Variants in FYB2 observed in about 807,000 individuals in gnomAD.
FYB2 encodes the protein FYN binding protein 2.
FYB2 carries 103 observed loss-of-function variants against 94.1 expected under a neutral mutation model. The observed-to-expected ratio is 1.09, with a 90% CI of 0.93 to 1.29. The LOEUF (loss-of-function observed/expected upper bound fraction) is 1.29, where lower values mean the gene tolerates loss of function less well. Ranked by LOEUF, FYB2 falls within the 50% of genes most tolerant of loss-of-function variation. The pLI is 0.00. For missense variants in FYB2, 896 were observed against 841.5 expected (o/e 1.06, Z -0.80); for synonymous variants, 293 against 287.9 (o/e 1.02, Z -0.18).
At chr1:56,778,239 CA>C (rs1645928706) in intron 4 of FYB2, among the ~76,000 whole-genome samples, 1 of 152,180 alleles carries the variant, frequency 6.6e-6, no homozygotes, top group South Asian at 2.1e-4. Flanking sequence ...CCAACTTTCC[CA>C]AACAGCCCTC....
intron 12 of FYB2, 121 bp downstream of exon 12, chr1:56,742,040 G>A: frequency 2.8e-6 from 2 of 712,806 alleles, no homozygotes; most frequent in South Asian, 1.7e-5. Flanking sequence ...AAAAGATGAT[G>A]ATGGGAGTCG....
chr1:56,736,490 ATCCCGGCTCACTACAACCTCT>A (rs1644834864), intron 15 of FYB2, among the ~76,000 whole-genome samples: 15 of 132,428 alleles, frequency 1.1e-4, no homozygotes, highest in Non-Finnish European at 2.0e-4. Context: ...TAGTGGTGTG[ATCCCGGCTCACTACAACCTCT>A]GCCTCAAAGG....
At chr1:56,802,644 G>C (rs980869489) in intron 1 of FYB2, among the ~76,000 whole-genome samples, 2 of 152,180 alleles carry the variant, frequency 1.3e-5, no homozygotes, top group African/African-American at 4.8e-5. Flanking sequence ...ATTCTTCCCA[G>C]GAGCCTTCAA....
At position 56,800,714 on chromosome 1, in the gene FYB2, T is replaced by C. The variant is rs544907282; in HGVS notation, c.10-7911A>G. Among the ~76,000 whole-genome samples, 5 of 152,242 alleles carry C rather than the reference T, an allele frequency of 3.3e-5. No individual in the cohort carries two copies. In the South Asian group the frequency reaches 1.0e-3, roughly 32 times the overall value. On this transcript the variant is annotated intron_variant, in intron 1 of 19. Transcript: ENST00000343433. ...ACAAAGTCCCTAAGTGCCCAGCCCC[T>C]GGCCAGTGCTCTTGGTGAGACTGCG...
Position 56,756,205 on chromosome 1 carries a change from A to C in FYB2, c.1099-278T>G, listed in dbSNP as rs2298127. On this transcript the variant is annotated intron_variant, in intron 6 of 19. Coordinates refer to ENST00000343433, the MANE Select transcript of FYB2 (RefSeq NM_001004303.5). ...TTGTTGTATGCACACCTTTCCCAAA[A>C]TGCATCGGAAACGTAAATAACTTCT... Among the ~76,000 whole-genome samples, 30,811 of 152,102 alleles carry C rather than the reference A, an allele frequency of 0.2. 3,606 individuals carry two copies. The highest frequency in any genetic ancestry group is 0.42 in the East Asian group (2,169 of 5,132).
upstream of FYB2, chr1:56,819,459 C>T (rs772786589): frequency 2.7e-5 from 26 of 967,392 alleles, no homozygotes; most frequent in Non-Finnish European, 3.7e-5. Context: ...GAGGCTCCTC[C>T]CTTGCCTGGG....
upstream of FYB2, chr1:56,819,794 G>C (rs757826157): frequency 4.9e-4 from 82 of 167,564 alleles, 1 homozygote; most frequent in Non-Finnish European, 7.4e-4. Context: ...CCTTTCTCAC[G>C]GTCAGGGAAA....
chr1:56,723,704 GGTAAAAC>G, intron 16 of FYB2, 23 bp from the exon 17 acceptor site: 4 of 1,359,592 alleles, frequency 2.9e-6, no homozygotes, highest in Non-Finnish European at 3.1e-6. Context: ...GTGCAGGTAG[GGTAAAAC>G]GTACTATAAT....
At chr1:56,726,696 A>T (rs559374317) in intron 15 of FYB2, 113 bp from the exon 16 acceptor site, 1 of 849,820 alleles carries the variant, frequency 1.2e-6, no homozygotes, top group Admixed American at 2.9e-5. Flanking sequence ...GTCATCTAGA[A>T]ATATATTTTG....
At chr1:56,778,120 G>T (rs763152710) in intron 4 of FYB2, among the ~76,000 whole-genome samples, 1 of 151,940 alleles carries the variant, frequency 6.6e-6, no homozygotes, top group African/African-American at 2.4e-5. Context: ...CTACTACCTC[G>T]AAGACTTGGC....
At chr1:56,734,945 A>G (rs889519091) in intron 15 of FYB2, among the ~76,000 whole-genome samples, 2 of 152,084 alleles carry the variant, frequency 1.3e-5, no homozygotes, top group East Asian at 1.9e-4. Flanking sequence ...ATTCATCAAA[A>G]GGACAAAAAA....
At chr1:56,821,451 C>G (rs1339334483), upstream of FYB2, among the ~76,000 whole-genome samples, 1 of 152,158 alleles carries the variant, frequency 6.6e-6, no homozygotes, top group Non-Finnish European at 1.5e-5. Flanking sequence ...GTATGTCTTA[C>G]GATCCTCTAG....
chr1:56,787,261 A>C, intron 3 of FYB2, 53 bp from the exon 4 acceptor site: 1 of 1,597,822 alleles, frequency 6.3e-7, no homozygotes, highest in Non-Finnish European at 8.6e-7. Flanking sequence ...AGCCTGGTTA[A>C]AGTGAATGAT....
intron 9 of FYB2, among the ~76,000 whole-genome samples, chr1:56,750,005 G>C (rs1042201967): frequency 6.6e-6 from 1 of 151,920 alleles, no homozygotes; most frequent in South Asian, 2.1e-4. Flanking sequence ...ACTGAAGTTT[G>C]ATTAATCCTT....
chr1:56,757,735 A>T (rs12117983), intron 6 of FYB2, among the ~76,000 whole-genome samples: 33,328 of 97,336 alleles, frequency 0.34, 6,707 homozygotes, highest in African/African-American at 0.38. Context: ...TCTTTCTTTC[A>T]TTCTTTCTTT....
chr1:56,738,372 T>C (rs555470715), intron 14 of FYB2, among the ~76,000 whole-genome samples: 1 of 152,242 alleles, frequency 6.6e-6, no homozygotes, highest in South Asian at 2.1e-4. Context: ...AAAGGGATGA[T>C]AACATTTATT....
chr1:56,747,321 T>C lies in FYB2; in HGVS notation c.1388-3055A>G, dbSNP rs147141869. ...CAGAATATGCAGGTTAGTTGTGCCA[T>C]GGTGGTTTGCTGCACCAATCAACTC... On this transcript the variant is annotated intron_variant, in intron 9 of 19. Coordinates refer to ENST00000343433, the MANE Select transcript of FYB2 (RefSeq NM_001004303.5). Among the ~76,000 whole-genome samples, 1,430 of 151,978 alleles carry C rather than the reference T, an allele frequency of 9.4e-3. 8 individuals carry two copies. The highest frequency in any genetic ancestry group is 0.017 in the Middle Eastern group (5 of 294).
intron 4 of FYB2, among the ~76,000 whole-genome samples, chr1:56,772,495 T>A (rs1645781524): frequency 6.6e-6 from 1 of 152,186 alleles, no homozygotes; most frequent in Non-Finnish European, 1.5e-5. Flanking sequence ...TTTCATACAA[T>A]GTGGATCAAT....
intron 2 of FYB2, among the ~76,000 whole-genome samples, chr1:56,791,176 A>G (rs1450150417): frequency 6.6e-6 from 1 of 152,074 alleles, no homozygotes; most frequent in Non-Finnish European, 1.5e-5. Flanking sequence ...CAATCATTCA[A>G]CAAATTTTTT....
Sources: allele counts gnomAD v4.1 joint callset (sites outside exome capture counted in the v4.1 genomes callset), GRCh38; gene constraint gnomAD v4.1.1; transcripts MANE v1.5; gene names NCBI Gene and HGNC (gene_info 2026-07-23, HGNC 2026-07-21).